C1orf141: variants seen among roughly 807,000 people sequenced by gnomAD.
C1orf141 encodes uncharacterized protein C1orf141.
Under a neutral mutation model 23.2 loss-of-function variants are expected in C1orf141, and 19 were observed. The observed-to-expected ratio is 0.82, with a 90% CI of 0.57 to 1.20. The LOEUF (loss-of-function observed/expected upper bound fraction) is 1.20. Among genes scored for constraint, C1orf141 ranks in the 50% most tolerant of loss-of-function variants. The pLI is 0.00. For synonymous variants in C1orf141, 153 were observed against 154.6 expected (o/e 0.99, Z 0.08); for missense variants, 469 against 455.1 (o/e 1.03, Z -0.28).
intron 5 of C1orf141, among the ~76,000 whole-genome samples, chr1:67,109,610 G>C (rs1490130374): frequency 6.6e-6 from 1 of 152,170 alleles, no homozygotes; most frequent in African/African-American, 2.4e-5. Flanking sequence ...GTGACAATGA[G>C]CATGAATCAA....
At chr1:67,138,305 A>G (rs1266613280), upstream of C1orf141, among the ~76,000 whole-genome samples, 2 of 152,178 alleles carry the variant, frequency 1.3e-5, no homozygotes, top group Admixed American at 1.3e-4. Context: ...TATTCTAGAT[A>G]ATGTGCTAGT....
Position 67,115,403 on chromosome 1 carries a change from T to C in C1orf141, c.295A>G (p.Arg99Gly). Residue 99 changes from arginine (R) to glycine (G), a missense_variant, in exon 5 of 8, where the codon AGA becomes GGA. By Grantham distance (125) the Arg-to-Gly change is moderately radical. Transcript: ENST00000684719. ...RKSNFEKSNL[R>G]PFFIQTNVKN... The stretch of plus-strand genomic sequence containing the variant: ...ACATTTGTTTGAATAAAGAATGGTC[T>C]TAAATTTGACTTTTCAAAATTACTC... 6.6e-7 allele frequency: 1 copy of C among 1,504,470 alleles called. No homozygotes were observed. Among genetic ancestry groups the C allele is most frequent in the South Asian group, 1.2e-5 (1 of 83,364 alleles). 93.2% of individuals were successfully genotyped at this position (1,504,470 alleles called of 1,614,324 possible). A position where few individuals can be genotyped will look rare whatever the true frequency, so the allele number is the denominator to read the frequency against.
chr1:67,134,345 AC>A (rs1646561376), intron 1 of C1orf141, among the ~76,000 whole-genome samples: 1 of 152,190 alleles, frequency 6.6e-6, no homozygotes, highest in African/African-American at 2.4e-5. Context: ...GAATTTTAAA[AC>A]TATGATGTAC....
chr1:67,137,189 C>T (rs1430185825), upstream of C1orf141, among the ~76,000 whole-genome samples: 1 of 152,180 alleles, frequency 6.6e-6, no homozygotes, highest in South Asian at 2.1e-4. Flanking sequence ...ATAGAACCCT[C>T]AGGTTCGATA....
rs746403578 is a variant in C1orf141, at chr1:67,093,134, G to A, written c.1074C>T (p.Ser358=). ...ERMFSAGKPT[S]IPTSSALPVK... is the part of the protein sequence containing the mutation. Reference sequence around the variant, plus strand: ...CAGGTAAGGCACTGGATGTGGGTATGCTCGTTGGTTTTCCTGCAGAAAACA... The same window carrying A: ...CAGGTAAGGCACTGGATGTGGGTATACTCGTTGGTTTTCCTGCAGAAAACA... Residue 358 remains serine (S), a synonymous_variant, in exon 8 of 8, where the codon AGC becomes AGT. Coordinates refer to ENST00000684719, the MANE Select transcript of C1orf141 (RefSeq NM_001276351.2). The A allele has an allele frequency of 6.2e-7, 1 of 1,613,954 alleles. No homozygotes were observed. Among genetic ancestry groups the A allele is most frequent in the Non-Finnish European group, 8.5e-7 (1 of 1,179,882 alleles).
At chr1:67,125,009 TG>T (rs1175656452) in intron 4 of C1orf141, among the ~76,000 whole-genome samples, 7 of 152,240 alleles carry the variant, frequency 4.6e-5, no homozygotes, top group Non-Finnish European at 8.8e-5. Context: ...CTGATGTGCT[TG>T]GAAAAATTTT....
chr1:67,127,374 T>C (rs956989306), intron 2 of C1orf141, 117 bp from the exon 3 acceptor site: 4 of 605,976 alleles, frequency 6.6e-6, no homozygotes, highest in African/African-American at 5.6e-5. Flanking sequence ...AATAGAATTG[T>C]TTAAATCATA....
At chr1:67,104,386 T>G (rs1220048982) in intron 5 of C1orf141, among the ~76,000 whole-genome samples, 2 of 151,980 alleles carry the variant, frequency 1.3e-5, no homozygotes, top group Admixed American at 1.3e-4. Flanking sequence ...TTTATTGGGA[T>G]TAAAAGATAA....
At chr1:67,108,120 A>T (rs2102447517) in intron 5 of C1orf141, among the ~76,000 whole-genome samples, 1 of 152,304 alleles carries the variant, frequency 6.6e-6, no homozygotes. Flanking sequence ...CACAAATAAA[A>T]ATGTACCAAT....
intron 7 of C1orf141, chr1:67,094,592 C>G (rs1379189956): frequency 6.6e-6 from 1 of 152,240 alleles, no homozygotes; most frequent in Non-Finnish European, 1.5e-5. Flanking sequence ...GTATTCCCTG[C>G]TCAGCATCAG....
intron 5 of C1orf141, among the ~76,000 whole-genome samples, chr1:67,100,897 G>A (rs540322604): frequency 3.3e-5 from 5 of 152,286 alleles, no homozygotes; most frequent in South Asian, 2.1e-4. Context: ...CTGGAAGATC[G>A]TGGAGAAGTT....
chr1:67,098,100 T>G (rs928510802), intron 5 of C1orf141, among the ~76,000 whole-genome samples: 3 of 152,166 alleles, frequency 2.0e-5, no homozygotes, highest in Non-Finnish European at 4.4e-5. Flanking sequence ...TTCACAACTC[T>G]AAAATCTGGT....
At chr1:67,136,176 G>A (rs543172302), upstream of C1orf141, among the ~76,000 whole-genome samples, 8 of 152,196 alleles carry the variant, frequency 5.3e-5, no homozygotes, top group African/African-American at 1.9e-4. Context: ...AGGACTACAG[G>A]TGCATGCCAC....
At chr1:67,099,383 C>CA (rs1645750955) in intron 5 of C1orf141, among the ~76,000 whole-genome samples, 1 of 152,118 alleles carries the variant, frequency 6.6e-6, no homozygotes, top group African/African-American at 2.4e-5. Context: ...AGAGTGACAG[C>CA]AAAATAAAGG....
Position 67,092,756 on chromosome 1 carries a change from A to G in C1orf141, c.*249T>C. 2 of 291,766 alleles carry G rather than the reference A, an allele frequency of 6.9e-6. No homozygotes were observed. Among genetic ancestry groups the G allele is most frequent in the South Asian group, 9.2e-5 (2 of 21,732 alleles). 18.1% of individuals were successfully genotyped at this position (291,766 alleles called of 1,614,324 possible). A position where few individuals can be genotyped will look rare whatever the true frequency, so the allele number is the denominator to read the frequency against. Reference sequence around the variant, plus strand: ...AGGAAGGCTGATGATTGAGCAATCTAATTGAGATAATAGAAAGTCATGAAC... The same window carrying G: ...AGGAAGGCTGATGATTGAGCAATCTGATTGAGATAATAGAAAGTCATGAAC... On this transcript the variant is annotated 3_prime_UTR_variant, in exon 8 of 8. Transcript: ENST00000684719.
intron 1 of C1orf141, 38 bp from the exon 2 acceptor site, chr1:67,131,265 A>G (rs1646511354): frequency 6.6e-6 from 1 of 152,028 alleles, no homozygotes; most frequent in African/African-American, 2.4e-5. Flanking sequence ...AGAAAAGAAA[A>G]TTAGCTGGGC....
chr1:67,135,906 C>CAAAAAACAAAAAAA (rs1646581031), upstream of C1orf141, among the ~76,000 whole-genome samples: 1 of 62,620 alleles, frequency 1.6e-5, no homozygotes, highest in Non-Finnish European at 2.7e-5. Context: ...GGCAAAACTG[C>CAAAAAACAAAAAAA]AAAAAAAAAA....
chr1:67,131,746 A>C (rs1193173617), intron 1 of C1orf141, among the ~76,000 whole-genome samples: 1 of 150,750 alleles, frequency 6.6e-6, no homozygotes, highest in East Asian at 2.0e-4. Context: ...TCCAGTCAAA[A>C]GCCTACTCTT....
chr1:67,126,333 T>C (rs1646413250), intron 3 of C1orf141, among the ~76,000 whole-genome samples: 1 of 152,036 alleles, frequency 6.6e-6, no homozygotes, highest in African/African-American at 2.4e-5. Context: ...GAGCCAGAAA[T>C]AGAGTGAAGA....
Sources: gnomAD v4.1 joint callset for allele counts (sites outside exome capture counted in the v4.1 genomes callset) on GRCh38, gnomAD v4.1.1 for gene constraint, MANE v1.5 for transcripts, NCBI Gene and HGNC (gene_info 2026-07-23, HGNC 2026-07-21) for gene names.